CADPS2: variants seen among roughly 807,000 people sequenced by gnomAD.
The protein encoded by CADPS2 is calcium-dependent secretion activator 2.
A neutral mutation model predicts 172.5 loss-of-function variants in CADPS2; 93 were observed. That is an observed-to-expected ratio of 0.54 (90% CI 0.46 to 0.64). The LOEUF (loss-of-function observed/expected upper bound fraction) is 0.64, where lower values mean the gene tolerates loss of function less well. Among genes scored for constraint, CADPS2 ranks in the 30% least tolerant of loss-of-function variants. The pLI is 0.00. For synonymous variants in CADPS2, 546 were observed against 555.2 expected (o/e 0.98, Z 0.23); for missense variants, 1,420 against 1,565.9 (o/e 0.91, Z 1.57).
chr7:122,539,364 C>A (rs1271784875), intron 8 of CADPS2, among the ~76,000 whole-genome samples: 1 of 152,126 alleles, frequency 6.6e-6, no homozygotes, highest in African/African-American at 2.4e-5. Context: ...TAATCTTGGA[C>A]TTTCCAGCTT....
chr7:122,795,830 A>T (rs1796258915), intron 1 of CADPS2, among the ~76,000 whole-genome samples: 1 of 152,166 alleles, frequency 6.6e-6, no homozygotes, highest in South Asian at 2.1e-4. Flanking sequence ...CACCACTCCT[A>T]TTCAACACAG....
In CADPS2 at chr7:122,723,143, A is replaced by C. The variant is rs199555538; in HGVS notation, c.453+13812T>G. ...GGGCAAGGACTTCATGTCTAAAACA[A>C]CAAAAGCAATGGCAACAAAAGCCAA... is the stretch of plus-strand genomic sequence containing the variant. On this transcript the variant is annotated intron_variant, in intron 2 of 29. Coordinates refer to ENST00000449022, the MANE Select transcript of CADPS2 (RefSeq NM_017954.11). 4.9e-4 allele frequency among the ~76,000 whole-genome samples: 74 copies of C among 152,140 alleles called. No homozygotes were observed. The East Asian group carries it at 8.9e-3, about 18-fold the overall frequency.
chr7:122,358,975 A>C (rs1321323739), intron 27 of CADPS2, among the ~76,000 whole-genome samples: 1 of 152,112 alleles, frequency 6.6e-6, no homozygotes, highest in Non-Finnish European at 1.5e-5. Flanking sequence ...GCATAATGAT[A>C]TGTCTGTTTC....
At chr7:122,451,593 T>C in intron 14 of CADPS2, 118 bp from the exon 15 acceptor site, 1 of 513,886 alleles carries the variant, frequency 1.9e-6, no homozygotes. Flanking sequence ...ATTAATTGTG[T>C]TTACAGTGGA....
chr7:122,769,825 GT>G (rs2093657514), intron 1 of CADPS2, among the ~76,000 whole-genome samples: 1 of 152,054 alleles, frequency 6.6e-6, no homozygotes, highest in African/African-American at 2.4e-5. Flanking sequence ...ATTTTCTGAG[GT>G]TCCTTTCTTA....
At chr7:122,776,722 T>C (rs1247362739) in intron 1 of CADPS2, among the ~76,000 whole-genome samples, 1 of 152,170 alleles carries the variant, frequency 6.6e-6, no homozygotes, top group Non-Finnish European at 1.5e-5. Context: ...ACCAAAATGC[T>C]GATAGTAATA....
intron 8 of CADPS2, among the ~76,000 whole-genome samples, chr7:122,549,166 G>A (rs2063938300): frequency 6.6e-6 from 1 of 152,158 alleles, no homozygotes; most frequent in Admixed American, 6.6e-5. Context: ...GGAGGCTGAG[G>A]CAGGAGGATC....
intron 4 of CADPS2, among the ~76,000 whole-genome samples, chr7:122,623,305 C>T (rs903045664): frequency 3.2e-4 from 49 of 151,878 alleles, no homozygotes; most frequent in African/African-American, 1.2e-3. Flanking sequence ...GGGAAAAAAG[C>T]AAAATGATCC....
intron 6 of CADPS2, among the ~76,000 whole-genome samples, chr7:122,589,659 T>A (rs918284738): frequency 1.3e-5 from 2 of 151,880 alleles, no homozygotes; most frequent in African/African-American, 4.8e-5. Context: ...CTATAAGAGA[T>A]AAAGAAACTT....
intron 2 of CADPS2, among the ~76,000 whole-genome samples, chr7:122,700,899 T>C (rs1588531979): frequency 6.6e-6 from 1 of 152,274 alleles, no homozygotes. Context: ...CACTTTTCCT[T>C]ACATATCCAA....
At chr7:122,734,370 AAAAAAAAAAAAAAAAAG>A (rs2091959362) in intron 2 of CADPS2, among the ~76,000 whole-genome samples, 15 of 104,870 alleles carry the variant, frequency 1.4e-4, no homozygotes, top group Non-Finnish European at 8.8e-5. Context: ...AAAAAAAAAA[AAAAAAAAAAAAAAAAAG>A]AAAAAAAAAA....
intron 3 of CADPS2, among the ~76,000 whole-genome samples, chr7:122,656,195 C>A (rs889292772): frequency 1.3e-5 from 2 of 152,132 alleles, no homozygotes; most frequent in African/African-American, 2.4e-5. Flanking sequence ...CCAAACTTTG[C>A]TGGACTTTCC....
chr7:122,585,082 G>C (rs149637487), intron 6 of CADPS2, among the ~76,000 whole-genome samples: 1 of 151,932 alleles, frequency 6.6e-6, no homozygotes, highest in South Asian at 2.1e-4. Flanking sequence ...CTTAAATAAC[G>C]TGTTCTCAGG....
At chr7:122,721,605 G>A (rs529700756) in intron 2 of CADPS2, among the ~76,000 whole-genome samples, 1 of 152,196 alleles carries the variant, frequency 6.6e-6, no homozygotes, top group East Asian at 1.9e-4. Flanking sequence ...AATTCTACCA[G>A]AGGTACAAGG....
At chr7:122,850,020 A>T in intron 1 of CADPS2, 2 of 958,284 alleles carry the variant, frequency 2.1e-6, no homozygotes, top group Non-Finnish European at 2.9e-6. Context: ...GAAGGAACAG[A>T]AGGCCCTGCT....
intron 24 of CADPS2, 29 bp from the exon 25 acceptor site, chr7:122,379,471 G>A: frequency 6.8e-7 from 1 of 1,461,990 alleles, no homozygotes; most frequent in Non-Finnish European, 9.5e-7. Flanking sequence ...AAACTCATTA[G>A]TTGACATGGA....
intron 7 of CADPS2, among the ~76,000 whole-genome samples, chr7:122,567,658 G>A (rs1208087645): frequency 6.6e-6 from 1 of 152,102 alleles, no homozygotes. Context: ...AAAGTACAAT[G>A]TACAATGCAT....
intron 27 of CADPS2, among the ~76,000 whole-genome samples, chr7:122,356,747 A>G: frequency 6.6e-6 from 1 of 152,198 alleles, no homozygotes; most frequent in South Asian, 2.1e-4. Context: ...TTGCTCGCTC[A>G]AATTACTCTA....
Position 122,471,426 on chromosome 7 carries a change from G to C in CADPS2, c.2135C>G (p.Thr712Ser). 6.2e-7 allele frequency: 1 copy of C among 1,613,572 alleles called. No homozygotes were observed. The highest frequency in any genetic ancestry group is 1.1e-5 in the South Asian group (1 of 91,066). Residue 712 changes from threonine (T) to serine (S), a missense_variant, in exon 14 of 30, where the codon ACC becomes AGC. Coordinates refer to ENST00000449022, the MANE Select transcript of CADPS2 (RefSeq NM_017954.11). ...HSENGAVIDP[T>S]LLHYSFAFCA... ...GAATGCAAAGCTGTAATGGAGCAGG[G>C]TAGGGTCAATGACAGCACCATTTTC...
Sources: gnomAD v4.1 joint callset for allele counts (sites outside exome capture counted in the v4.1 genomes callset) on GRCh38, gnomAD v4.1.1 for gene constraint, MANE v1.5 for transcripts, NCBI Gene and HGNC (gene_info 2026-07-23, HGNC 2026-07-21) for gene names.